Variants in PTBP3 observed in about 807,000 individuals in gnomAD.
PTBP3 encodes the protein polypyrimidine tract-binding protein 3.
A neutral mutation model predicts 58.7 loss-of-function variants in PTBP3; 20 were observed. The ratio of observed to expected loss-of-function variants is 0.34; its 90% CI spans 0.24 to 0.50. The LOEUF (loss-of-function observed/expected upper bound fraction) is 0.50. Ranked by LOEUF, PTBP3 falls within the 20% of genes least tolerant of loss-of-function variation. The pLI, the probability that PTBP3 is intolerant of heterozygous loss-of-function variation, is 0.98. For synonymous variants in PTBP3, 185 were observed against 219.8 expected (o/e 0.84, Z 1.40); for missense variants, 509 against 637.2 (o/e 0.80, Z 2.17).
intron 7 of PTBP3, among the ~76,000 whole-genome samples, chr9:112,240,166 G>C (rs1351734543): frequency 6.6e-6 from 1 of 152,128 alleles, no homozygotes; most frequent in Non-Finnish European, 1.5e-5. Context: ...AAAGATGGGG[G>C]CATCCACTCC....
chr9:112,306,604 A>ATTT (rs1554802909), intron 1 of PTBP3, among the ~76,000 whole-genome samples: 2 of 104,040 alleles, frequency 1.9e-5, no homozygotes, highest in South Asian at 2.8e-4. Context: ...ATATATATAT[A>ATTT]TTTTTGTTTG....
chr9:112,327,194 T>C (rs1171213782), intron 1 of PTBP3, among the ~76,000 whole-genome samples: 1 of 144,446 alleles, frequency 6.9e-6, no homozygotes, highest in Admixed American at 6.9e-5. Flanking sequence ...ATGACAGAGG[T>C]AGAGCCTGCC....
Position 112,252,614 on chromosome 9 carries a change from G to A in PTBP3, c.627+64C>T, listed in dbSNP as rs986642937. 3.3e-6 allele frequency: 4 copies of A among 1,199,402 alleles called. No individual in the cohort carries two copies. In the African/African-American group the frequency reaches 4.5e-5, roughly 14 times the overall value. 74.3% of individuals were successfully genotyped at this position (1,199,402 alleles called of 1,614,324 possible). ...TTTTTAAAAACACATGGTAAAGTGG[G>A]GCACAAGAGAAGGTATCACTGGAGT... is the stretch of plus-strand genomic sequence containing the variant. On this transcript the variant is annotated intron_variant, in intron 6 of 13. Coordinates refer to ENST00000374257, the MANE Select transcript of PTBP3 (RefSeq NM_001163788.4).
Position 112,293,127 on chromosome 9 carries a change from G to A in PTBP3, c.34+4705C>T, listed in dbSNP as rs1259623925. Among the ~76,000 whole-genome samples the A allele has an allele frequency of 2.6e-5, 4 of 152,220 alleles. No individual in the cohort carries two copies. In the East Asian group the frequency reaches 7.7e-4, roughly 29 times the overall value. ...ATGTTGAATGAAAGAACCCAGACAG[G>A]AAGGACGATATACTATATTTATTGG... On this transcript the variant is annotated intron_variant, in intron 2 of 13. Transcript: ENST00000374257.
the PTBP3 span, among the ~76,000 whole-genome samples, chr9:112,370,187 C>T: frequency 2.0e-5 from 3 of 152,258 alleles, no homozygotes; most frequent in Admixed American, 2.0e-4. Flanking sequence ...CCTCTTCTAC[C>T]ATCTTGCTGA....
upstream of PTBP3, among the ~76,000 whole-genome samples, chr9:112,336,436 T>G (rs1045131917): frequency 2.0e-5 from 3 of 151,964 alleles, no homozygotes; most frequent in Non-Finnish European, 2.9e-5. Context: ...ATAAATTTTT[T>G]GAAAATGATT....
At chr9:112,270,906 C>T (rs1435819922) in intron 3 of PTBP3, among the ~76,000 whole-genome samples, 1 of 152,132 alleles carries the variant, frequency 6.6e-6, no homozygotes, top group African/African-American at 2.4e-5. Flanking sequence ...CAACCTCTGC[C>T]TCCTGGGTTC....
chr9:112,351,417 C>T, the PTBP3 span, among the ~76,000 whole-genome samples: 1 of 152,180 alleles, frequency 6.6e-6, no homozygotes, highest in Non-Finnish European at 1.5e-5. Context: ...GTTAACATGA[C>T]TCATGATGGT....
chr9:112,328,122 T>C (rs1469484887), intron 1 of PTBP3, among the ~76,000 whole-genome samples: 1 of 152,234 alleles, frequency 6.6e-6, no homozygotes, highest in South Asian at 2.1e-4. Context: ...AAGCAACTTA[T>C]GGAAGATAAC....
At chr9:112,304,593 G>A (rs1364182899) in intron 1 of PTBP3, among the ~76,000 whole-genome samples, 1 of 152,126 alleles carries the variant, frequency 6.6e-6, no homozygotes, top group African/African-American at 2.4e-5. Context: ...GTGAGACAGA[G>A]TCTCGTTCTG....
At chr9:112,287,346 T>TTA (rs1828176996) in intron 2 of PTBP3, among the ~76,000 whole-genome samples, 1 of 145,106 alleles carries the variant, frequency 6.9e-6, no homozygotes, top group African/African-American at 2.5e-5. Context: ...TTTTTGTTTT[T>TTA]TTTTTTTTTT....
chr9:112,371,697 T>C, the PTBP3 span, among the ~76,000 whole-genome samples: 5 of 146,564 alleles, frequency 3.4e-5, no homozygotes, highest in Non-Finnish European at 5.9e-5. Flanking sequence ...CTCAAGGTAG[T>C]CATAAAAGTT....
intron 7 of PTBP3, among the ~76,000 whole-genome samples, chr9:112,239,827 G>GAGGA: frequency 1.1e-5 from 1 of 91,154 alleles, no homozygotes; most frequent in Non-Finnish European, 2.0e-5. Flanking sequence ...GGGAGGAAGG[G>GAGGA]AGGAAGGGAG....
intron 1 of PTBP3, among the ~76,000 whole-genome samples, chr9:112,310,785 A>G (rs1012827606): frequency 4.6e-5 from 7 of 152,244 alleles, no homozygotes; most frequent in Non-Finnish European, 8.8e-5. Context: ...TAAGAGAAAA[A>G]GGCATTTAAC....
upstream of PTBP3, among the ~76,000 whole-genome samples, chr9:112,334,334 T>A (rs1830519527): frequency 6.6e-6 from 1 of 152,152 alleles, no homozygotes; most frequent in African/African-American, 2.4e-5. Context: ...ATGGCTATAT[T>A]CCCAGCATTT....
In PTBP3 at chr9:112,297,841, C is replaced by A; in HGVS notation, c.25G>T (p.Gly9Cys). 6.3e-7 allele frequency: 1 copy of A among 1,593,646 alleles called. No individual in the cohort carries two copies. The highest frequency in any genetic ancestry group is 8.5e-7 in the Non-Finnish European group (1 of 1,171,378). Residue 9 changes from glycine to cysteine, a missense_variant, in exon 2 of 14, where the codon GGT (glycine) becomes TGT (cysteine). Physicochemically the swap from Gly to Cys is radical, Grantham distance 159. Around this residue, in one of 4 missense-constraint regions of PTBP3, gnomAD observed 212 missense variants for 215.3 expected, o/e 0.98. Coordinates refer to ENST00000374257, the MANE Select transcript of PTBP3 (RefSeq NM_001163788.4). ...AAAAAAAAAAACTCACCATACACAC[C>A]TGTAGAAGGAGTAGAACTATTCATG... MNSSTPST[G>C]VYANGNDSKK...
the PTBP3 span, among the ~76,000 whole-genome samples, chr9:112,376,897 C>A: frequency 1.3e-5 from 2 of 152,228 alleles, no homozygotes; most frequent in Non-Finnish European, 2.9e-5. Flanking sequence ...TCAATACCAT[C>A]AAGTTGACAC....
chr9:112,333,339 G>T, intron 1 of PTBP3, 131 bp downstream of exon 1: 1 of 1,134,172 alleles, frequency 8.8e-7, no homozygotes, highest in Non-Finnish European at 1.1e-6. Flanking sequence ...CCGCCGTCGG[G>T]CTTGGCCGGG....
the PTBP3 span, among the ~76,000 whole-genome samples, chr9:112,339,807 C>T: frequency 6.6e-6 from 1 of 151,972 alleles, no homozygotes; most frequent in Admixed American, 6.6e-5. Context: ...ATCAGGTGAT[C>T]TGCCCGCCTC....
Sources: allele counts gnomAD v4.1 joint callset (sites outside exome capture counted in the v4.1 genomes callset), GRCh38; gene constraint gnomAD v4.1.1; regional missense constraint gnomAD v4.1.1; transcripts MANE v1.5; gene names NCBI Gene and HGNC (gene_info 2026-07-23, HGNC 2026-07-21).